Variants in ZYG11B observed in about 807,000 individuals in gnomAD.
The protein encoded by ZYG11B is protein zyg-11 homolog B.
ZYG11B carries 36 observed loss-of-function variants against 82.4 expected under a neutral mutation model. That is an observed-to-expected ratio of 0.44 (90% confidence interval 0.33 to 0.58). ZYG11B has a LOEUF of 0.58. ZYG11B is among the 20% of genes least tolerant of loss of function. ZYG11B has a pLI of 0.02. For missense variants in ZYG11B, 552 were observed against 895.6 expected (o/e 0.62, Z 4.90); for synonymous variants, 303 against 312.8 (o/e 0.97, Z 0.33).
chr1:52,746,555 A>G (rs772256510), intron 1 of ZYG11B, among the ~76,000 whole-genome samples: 1 of 152,032 alleles, frequency 6.6e-6, no homozygotes, highest in Non-Finnish European at 1.5e-5. Context: ...AATTGTGCCA[A>G]TTTACACTCC....
rs796326685 is a variant in ZYG11B, at chr1:52,803,155, C to T, written c.1695+1016C>T. Among the ~76,000 whole-genome samples the T allele has an allele frequency of 5.4e-4, 26 of 48,184 alleles. 2 individuals are homozygous for T. The highest frequency in any genetic ancestry group is 2.4e-3 in the African/African-American group (23 of 9,560). The allele number at this position is 48,184 out of a possible 152,430, so 31.6% of individuals were successfully genotyped here. On this transcript the variant is annotated intron_variant, in intron 10 of 13. Transcript: ENST00000294353. Reference sequence around the variant, plus strand: ...ATATACACACATATATATATATATACACATATATATATACACACATATATA... The same window carrying T: ...ATATACACACATATATATATATATATACATATATATATACACACATATATA...
chr1:52,778,037 G>A (rs1347312684), intron 3 of ZYG11B, among the ~76,000 whole-genome samples: 1 of 152,084 alleles, frequency 6.6e-6, no homozygotes, highest in African/African-American at 2.4e-5. Context: ...CCCAAAGCTC[G>A]CTTCAGCCTC....
intron 10 of ZYG11B, among the ~76,000 whole-genome samples, chr1:52,803,202 ATACAC>A (rs1558140417): frequency 1.2e-5 from 1 of 82,968 alleles, no homozygotes; most frequent in Non-Finnish European, 1.8e-5. Context: ...ATATATATAT[ATACAC>A]ACACATATAT....
chr1:52,754,026 C>T (rs978453521), intron 1 of ZYG11B, among the ~76,000 whole-genome samples: 1 of 146,510 alleles, frequency 6.8e-6, no homozygotes, highest in African/African-American at 2.6e-5. Flanking sequence ...GCCTGGCCCC[C>T]TTTGCCTTTT....
chr1:52,807,593 G>T (rs1210731989), intron 10 of ZYG11B, among the ~76,000 whole-genome samples: 1 of 148,756 alleles, frequency 6.7e-6, no homozygotes, highest in African/African-American at 2.5e-5. Flanking sequence ...CTGGGCTAAA[G>T]CAATTCCCCA....
chr1:52,796,794 TA>T lies in ZYG11B; in HGVS notation c.1485+12del. 6.5e-7 allele frequency: 1 copy of T among 1,529,290 alleles called. No individual in the cohort carries two copies. The highest frequency in any genetic ancestry group is 1.3e-5 in the South Asian group (1 of 79,218). 94.7% of individuals were successfully genotyped at this position (1,529,290 alleles called of 1,614,324 possible). ...GCTCTTCATTGTCAGGGTAAGTCTA[TA>T]ATCTCCTCCATTCAGGCCACTAGAT... On this transcript the variant is annotated intron_variant, in intron 8 of 13. Coordinates refer to ENST00000294353, the MANE Select transcript of ZYG11B (RefSeq NM_024646.3).
intron 3 of ZYG11B, among the ~76,000 whole-genome samples, chr1:52,776,618 G>A (rs1229212501): frequency 6.6e-6 from 1 of 151,864 alleles, no homozygotes; most frequent in Non-Finnish European, 1.5e-5. Flanking sequence ...GGTAACTTGA[G>A]GATATATTTC....
intron 1 of ZYG11B, among the ~76,000 whole-genome samples, chr1:52,729,813 G>GT (rs1311325408): frequency 6.6e-6 from 1 of 151,950 alleles, no homozygotes; most frequent in Non-Finnish European, 1.5e-5. Flanking sequence ...AGAGGTGGCA[G>GT]TTCTTTTTTT....
chr1:52,788,898 A>G (rs564865437), intron 5 of ZYG11B, among the ~76,000 whole-genome samples: 83 of 152,326 alleles, frequency 5.4e-4, no homozygotes, highest in South Asian at 4.1e-4. Context: ...TCTTACTTCT[A>G]TGGATCCTGT....
At chr1:52,731,842 A>T (rs1220526927) in intron 1 of ZYG11B, among the ~76,000 whole-genome samples, 1 of 152,186 alleles carries the variant, frequency 6.6e-6, no homozygotes, top group Non-Finnish European at 1.5e-5. Context: ...TCACTCTGTC[A>T]CCCAGGCTGG....
intron 1 of ZYG11B, among the ~76,000 whole-genome samples, chr1:52,733,939 A>G (rs1442246596): frequency 6.6e-6 from 1 of 152,192 alleles, no homozygotes. Context: ...TAAAGGAGAA[A>G]ATTTTAGATA....
rs757021027 is a variant in ZYG11B at position 52,796,316 on chromosome 1, G to T, written c.1359G>T (p.Met453Ile). 1 of 1,613,836 alleles carries T rather than the reference G, an allele frequency of 6.2e-7. No homozygotes were observed. The highest frequency in any genetic ancestry group is 8.5e-7 in the Non-Finnish European group (1 of 1,179,840). Reference protein sequence around the residue: ...FNRFEAAKLVMQWLCNHEDQN... With the variant: ...FNRFEAAKLVIQWLCNHEDQN... ...GGTTTGAAGCAGCCAAGCTTGTCAT[G>T]CAGTGGCTTTGCAACCATGAGGATC... Residue 453 changes from methionine to isoleucine, a missense_variant, in exon 7 of 14, where the codon ATG becomes ATT. Transcript: ENST00000294353.
intron 1 of ZYG11B, among the ~76,000 whole-genome samples, chr1:52,755,628 A>G (rs1446558566): frequency 1.3e-5 from 2 of 152,100 alleles, no homozygotes; most frequent in African/African-American, 2.4e-5. Context: ...CAGCCTCCCA[A>G]GTAGCTGGGA....
At chr1:52,781,729 T>C (rs1358178420) in intron 4 of ZYG11B, among the ~76,000 whole-genome samples, 1 of 152,228 alleles carries the variant, frequency 6.6e-6, no homozygotes, top group Non-Finnish European at 1.5e-5. Context: ...GTTTTACAGA[T>C]AATGAAATTG....
At chr1:52,783,885 T>TAC (rs1644884283) in intron 4 of ZYG11B, among the ~76,000 whole-genome samples, 1 of 114,686 alleles carries the variant, frequency 8.7e-6, no homozygotes, top group African/African-American at 4.9e-5. Flanking sequence ...TGTGTGTATA[T>TAC]GTACATACAC....
chr1:52,797,108 ATATT>A (rs1303925737), intron 8 of ZYG11B, among the ~76,000 whole-genome samples: 5 of 70,586 alleles, frequency 7.1e-5, no homozygotes, highest in Non-Finnish European at 1.0e-4. Flanking sequence ...CATATTGTAT[ATATT>A]TATATATTAT....
chr1:52,744,840 CA>C (rs1057077111), intron 1 of ZYG11B, among the ~76,000 whole-genome samples: 5 of 151,140 alleles, frequency 3.3e-5, no homozygotes, highest in African/African-American at 9.7e-5. Flanking sequence ...GACTCCATAT[CA>C]AAAAAAAAAT....
chr1:52,733,287 TGTTA>T (rs1644349848), intron 1 of ZYG11B, among the ~76,000 whole-genome samples: 1 of 152,180 alleles, frequency 6.6e-6, no homozygotes. Flanking sequence ...TTAAATAGAA[TGTTA>T]GTTTTTATTC....
intron 10 of ZYG11B, 50 bp from the exon 11 acceptor site, chr1:52,813,486 A>G: frequency 2.9e-6 from 4 of 1,402,570 alleles, no homozygotes; most frequent in African/African-American, 1.4e-5. Context: ...TATCTTAACC[A>G]TTTACTATAC....
Sources: gnomAD v4.1 joint callset for allele counts (sites outside exome capture counted in the v4.1 genomes callset) on GRCh38, gnomAD v4.1.1 for gene constraint, MANE v1.5 for transcripts, NCBI Gene and HGNC (gene_info 2026-07-23, HGNC 2026-07-21) for gene names.